The following FOXN3 variants were observed in gnomAD, a reference collection of about 807,000 sequenced individuals.
FOXN3 encodes forkhead box N3, also known as forkhead box protein N3.
FOXN3 carries 7 observed loss-of-function variants against 38.4 expected under a neutral mutation model. The observed-to-expected ratio is 0.18, with a 90% CI of 0.10 to 0.34. The LOEUF (loss-of-function observed/expected upper bound fraction) is 0.34. Among genes scored for constraint, FOXN3 ranks in the 10% least tolerant of loss-of-function variants. The probability of loss-of-function intolerance (pLI) is 1.00; values close to 1 mark genes in which losing one functional copy is unlikely to be tolerated. For synonymous variants in FOXN3, 230 were observed against 242.2 expected (o/e 0.95, Z 0.47); for missense variants, 456 against 613.4 (o/e 0.74, Z 2.71).
chr14:89,305,347 G>A (rs149782682), intron 3 of FOXN3, among the ~76,000 whole-genome samples: 117 of 152,310 alleles, frequency 7.7e-4, no homozygotes, highest in Non-Finnish European at 1.3e-3. Flanking sequence ...AGAAAAGGAC[G>A]CCTCTATGAC....
chr14:89,359,306 TAA>T lies in FOXN3; in HGVS notation c.544-8500_544-8499del, dbSNP rs60081259. ...GCGAGACTCCATCTCAAAATAAAAT[TAA>T]AAAAAAAAAAAATCAGCTCTTGTTA... On this transcript the variant is annotated intron_variant, in intron 2 of 5. Transcript: ENST00000557258. 3.1e-3 allele frequency among the ~76,000 whole-genome samples: 452 copies of T among 143,894 alleles called. 2 individuals carry two copies. The highest frequency in any genetic ancestry group is 9.2e-3 in the African/African-American group (364 of 39,760). 94.4% of individuals were successfully genotyped at this position (143,894 alleles called of 152,430 possible). A position where few individuals can be genotyped will look rare whatever the true frequency, so the allele number is the denominator to read the frequency against.
chr14:89,285,388 G>A (rs563447765), intron 3 of FOXN3, among the ~76,000 whole-genome samples: 19 of 152,088 alleles, frequency 1.2e-4, no homozygotes, highest in African/African-American at 4.6e-4. Flanking sequence ...GCATGGTGGC[G>A]CATGCCTGTA....
At chr14:89,206,532 G>A (rs965012325) in intron 4 of FOXN3, among the ~76,000 whole-genome samples, 7 of 152,198 alleles carry the variant, frequency 4.6e-5, no homozygotes, top group East Asian at 3.9e-4. Flanking sequence ...GGAGGTTTCC[G>A]TTCCCAGTGG....
chr14:89,249,976 G>A (rs935245923), intron 4 of FOXN3, among the ~76,000 whole-genome samples: 1 of 152,176 alleles, frequency 6.6e-6, no homozygotes, highest in Non-Finnish European at 1.5e-5. Context: ...TGCTACCTGT[G>A]GGTGCCTGGG....
At position 89,511,246 on chromosome 14, in the gene FOXN3, CTTTTCTTT is replaced by C. The variant is rs1324143204; in HGVS notation, c.-14-98764_-14-98757del. Among the ~76,000 whole-genome samples the C allele has an allele frequency of 2.9e-4, 4 of 13,944 alleles. 1 individual carries two copies. The highest frequency in any genetic ancestry group is 1.0e-3 in the Non-Finnish European group (3 of 2,900). 9.1% of individuals were successfully genotyped at this position (13,944 alleles called of 152,430 possible). ...TTCTTTCTTTTCTTTCCTTTTCTTTCTTTTCTTTCTTTCTTTCTTTCTTTCTTTCTTTC... is the reference window on the plus strand; with the variant it reads ...TTCTTTCTTTTCTTTCCTTTTCTTTCCTTTCTTTCTTTCTTTCTTTCTTTC... On this transcript the variant is annotated intron_variant, in intron 1 of 6. Transcript: ENST00000345097.
At chr14:89,554,270 G>GATTATAGGCATTATTATAGGC (rs1895068223) in intron 1 of FOXN3, among the ~76,000 whole-genome samples, 1 of 152,156 alleles carries the variant, frequency 6.6e-6, no homozygotes, top group South Asian at 2.1e-4. Flanking sequence ...AAAGTGCTGG[G>GATTATAGGCATTATTATAGGC]ATTATAGGCA....
chr14:89,524,599 G>A (rs1239888869), intron 1 of FOXN3, among the ~76,000 whole-genome samples: 1 of 151,500 alleles, frequency 6.6e-6, no homozygotes, highest in East Asian at 1.9e-4. Context: ...TACAACAGAT[G>A]ACAAATATCA....
intron 3 of FOXN3, among the ~76,000 whole-genome samples, chr14:89,340,110 G>A (rs985967319): frequency 1.3e-5 from 2 of 152,114 alleles, no homozygotes; most frequent in Admixed American, 6.5e-5. Flanking sequence ...GAAGGGGGGT[G>A]CAGGGGAAGG....
chr14:89,613,620 T>C (rs1896438625), intron 1 of FOXN3, among the ~76,000 whole-genome samples: 1 of 151,754 alleles, frequency 6.6e-6, no homozygotes, highest in Non-Finnish European at 1.5e-5. Context: ...ATTTCATATG[T>C]AATTTTTTTT....
At chr14:89,482,216 G>C (rs1306305253) in intron 1 of FOXN3, among the ~76,000 whole-genome samples, 1 of 152,142 alleles carries the variant, frequency 6.6e-6, no homozygotes, top group African/African-American at 2.4e-5. Flanking sequence ...CTGAGCAGTG[G>C]GGGACAGTAT....
intron 4 of FOXN3, among the ~76,000 whole-genome samples, chr14:89,198,728 T>C (rs1888160245): frequency 6.6e-6 from 1 of 152,208 alleles, no homozygotes; most frequent in South Asian, 2.1e-4. Context: ...TTCTACAGCG[T>C]AAAGGACAGC....
chr14:89,285,863 A>ATT (rs34767285), intron 3 of FOXN3, among the ~76,000 whole-genome samples: 21 of 146,020 alleles, frequency 1.4e-4, no homozygotes, highest in African/African-American at 5.1e-4. Context: ...TTTACCAAAA[A>ATT]TTTTTTTTTT....
chr14:89,550,992 G>A (rs1894995004), intron 1 of FOXN3, among the ~76,000 whole-genome samples: 1 of 152,180 alleles, frequency 6.6e-6, no homozygotes, highest in Non-Finnish European at 1.5e-5. Context: ...ACGCACACAC[G>A]AATGTTTCTG....
At chr14:89,214,179 C>T (rs1164134767) in intron 4 of FOXN3, among the ~76,000 whole-genome samples, 2 of 119,570 alleles carry the variant, frequency 1.7e-5, no homozygotes, top group African/African-American at 6.4e-5. Flanking sequence ...TTTCGGATGG[C>T]CACTGTTTCC....
intron 4 of FOXN3, among the ~76,000 whole-genome samples, chr14:89,254,704 C>G (rs1885564193): frequency 6.6e-6 from 1 of 152,154 alleles, no homozygotes; most frequent in Non-Finnish European, 1.5e-5. Context: ...CAATCTGTGT[C>G]CTCTGCCTGG....
chr14:89,526,344 A>G (rs1894432095), intron 1 of FOXN3, among the ~76,000 whole-genome samples: 1 of 152,178 alleles, frequency 6.6e-6, no homozygotes, highest in Admixed American at 6.5e-5. Flanking sequence ...AGATTATGTC[A>G]TTATCTTTGT....
At chr14:89,609,563 C>T (rs1008962048) in intron 1 of FOXN3, among the ~76,000 whole-genome samples, 4 of 152,136 alleles carry the variant, frequency 2.6e-5, no homozygotes, top group African/African-American at 9.7e-5. Flanking sequence ...CCCAATAATC[C>T]TTTCAGGATT....
intron 1 of FOXN3, among the ~76,000 whole-genome samples, chr14:89,537,698 T>A (rs953760339): frequency 6.6e-6 from 1 of 152,232 alleles, no homozygotes; most frequent in African/African-American, 2.4e-5. Flanking sequence ...CTGAAAAGAC[T>A]GGTGAATCAA....
intron 3 of FOXN3, among the ~76,000 whole-genome samples, chr14:89,341,907 T>C (rs190799896): frequency 1.6e-4 from 25 of 152,268 alleles, no homozygotes; most frequent in Non-Finnish European, 3.1e-4. Context: ...TGCTCAGGAA[T>C]CCTTGGCTGG....
Sources: gnomAD v4.1 joint callset for allele counts (sites outside exome capture counted in the v4.1 genomes callset) on GRCh38, gnomAD v4.1.1 for gene constraint, MANE v1.5 for transcripts, NCBI Gene and HGNC (gene_info 2026-07-23, HGNC 2026-07-21) for gene names.